The following PCDH15 variants were observed in gnomAD, a reference collection of about 807,000 sequenced individuals.
PCDH15 encodes the protein protocadherin-15.
In PCDH15, 129 loss-of-function variants were observed where a neutral mutation model predicts 178.5. The observed-to-expected ratio is 0.72, with a 90% CI of 0.63 to 0.84. The LOEUF (loss-of-function observed/expected upper bound fraction) is 0.84. PCDH15 is among the 40% of genes least tolerant of loss of function. PCDH15 has a pLI of 0.00. For missense variants in PCDH15, 2,230 were observed against 2,099.9 expected, an observed-to-expected ratio of 1.06 and a Z score of -1.21; for synonymous variants, 800 against 732.0, an observed-to-expected ratio of 1.09 and a Z score of -1.50.
chr10:55,613,580 A>G (rs954768593), intron 2 of PCDH15, among the ~76,000 whole-genome samples: 3 of 152,196 alleles, frequency 2.0e-5, no homozygotes, highest in African/African-American at 7.2e-5. Context: ...ACATAAGGAT[A>G]ATCATTTGTG....
chr10:54,104,288 TA>T (rs1299544426), intron 15 of PCDH15, among the ~76,000 whole-genome samples: 13 of 152,268 alleles, frequency 8.5e-5, no homozygotes, highest in South Asian at 4.1e-4. Flanking sequence ...TCCCCAGCCT[TA>T]TCAGGGTCCT....
At chr10:55,354,014 T>C (rs1047162023) in intron 2 of PCDH15, among the ~76,000 whole-genome samples, 27 of 152,178 alleles carry the variant, frequency 1.8e-4, no homozygotes, top group Middle Eastern at 3.4e-3. Flanking sequence ...CAACACCCCT[T>C]CACCCTCACT....
chr10:54,195,538 G>T, intron 11 of PCDH15, 145 bp downstream of exon 11: 1 of 672,646 alleles, frequency 1.5e-6, no homozygotes, highest in Non-Finnish European at 2.5e-6. Context: ...CCTTGTTTTG[G>T]AATTAAATTA....
At chr10:54,478,756 C>A (rs116414470) in intron 3 of PCDH15, among the ~76,000 whole-genome samples, 3,918 of 151,950 alleles carry the variant, frequency 0.026, 202 homozygotes, top group African/African-American at 0.09. Context: ...TTTCCTTTTT[C>A]GCGTATGTCT....
At chr10:54,189,919 A>T in intron 11 of PCDH15, among the ~76,000 whole-genome samples, 1 of 108,826 alleles carries the variant, frequency 9.2e-6, no homozygotes, top group African/African-American at 3.2e-5. Context: ...GTATACATGC[A>T]TGTGTATGTG....
intron 2 of PCDH15, among the ~76,000 whole-genome samples, chr10:54,899,001 TAG>T (rs1233368909): frequency 6.6e-6 from 1 of 152,130 alleles, no homozygotes; most frequent in Non-Finnish European, 1.5e-5. Context: ...TTCTGCAAGA[TAG>T]AGTCTTGCTT....
chr10:54,445,919 T>G (rs2076116259), intron 3 of PCDH15, among the ~76,000 whole-genome samples: 1 of 151,612 alleles, frequency 6.6e-6, no homozygotes, highest in Admixed American at 6.6e-5. Context: ...AGGTTGCATT[T>G]CAGTTTCTTC....
intron 1 of PCDH15, among the ~76,000 whole-genome samples, chr10:54,679,801 A>G (rs921688949): frequency 6.6e-6 from 1 of 152,210 alleles, no homozygotes; most frequent in African/African-American, 2.4e-5. Flanking sequence ...ATCCCTGGAT[A>G]TTCTTAAAAC....
chr10:53,946,330 C>T (rs920460023), intron 23 of PCDH15, among the ~76,000 whole-genome samples: 1 of 152,112 alleles, frequency 6.6e-6, no homozygotes, highest in Non-Finnish European at 1.5e-5. Flanking sequence ...CCCTTAGGAT[C>T]AGTTATTAGT....
At chr10:53,944,728 T>C (rs10740560) in intron 23 of PCDH15, among the ~76,000 whole-genome samples, 101,892 of 151,732 alleles carry the variant, frequency 0.67, 34,705 homozygotes, top group East Asian at 0.87. Context: ...TTGAGATAGA[T>C]ACCAACTAGA....
At chr10:55,614,013 C>T (rs958538544) in intron 2 of PCDH15, among the ~76,000 whole-genome samples, 1 of 151,658 alleles carries the variant, frequency 6.6e-6, no homozygotes, top group African/African-American at 2.4e-5. Context: ...ACTCGGGAGG[C>T]TGAGGTGGGA....
At chr10:53,910,592 A>G (rs925216909) in intron 25 of PCDH15, among the ~76,000 whole-genome samples, 3 of 152,218 alleles carry the variant, frequency 2.0e-5, no homozygotes, top group African/African-American at 7.2e-5. Flanking sequence ...TCTAAAAACC[A>G]GAGCACCTCT....
chr10:53,906,696 C>A (rs1296527385), intron 25 of PCDH15, among the ~76,000 whole-genome samples: 2 of 152,008 alleles, frequency 1.3e-5, no homozygotes, highest in Non-Finnish European at 2.9e-5. Context: ...ACAAAATAAT[C>A]AGGAAGTTGT....
intron 8 of PCDH15, among the ~76,000 whole-genome samples, chr10:54,266,222 A>C (rs1446175582): frequency 2.6e-5 from 4 of 151,814 alleles, no homozygotes; most frequent in Admixed American, 2.6e-4. Context: ...TTGGGTAAAC[A>C]AGAAAATTAA....
intron 2 of PCDH15, among the ~76,000 whole-genome samples, chr10:55,565,144 G>C (rs1355043855): frequency 6.6e-6 from 1 of 151,562 alleles, no homozygotes; most frequent in East Asian, 1.9e-4. Context: ...ATCATACAAA[G>C]TATCTTTGCC....
At chr10:54,133,890 T>C (rs2042662751) in intron 14 of PCDH15, among the ~76,000 whole-genome samples, 1 of 140,598 alleles carries the variant, frequency 7.1e-6, no homozygotes, top group African/African-American at 2.5e-5. Context: ...TATACACATA[T>C]ATACACACAC....
At chr10:53,828,520 T>C (rs1297804337) in intron 31 of PCDH15, 45 bp downstream of exon 31, 2 of 1,484,746 alleles carry the variant, frequency 1.3e-6, no homozygotes, top group Non-Finnish European at 1.9e-6. Flanking sequence ...GGTTTCTCTT[T>C]TCCTATTACA....
chr10:55,266,426 G>A (rs1020622810), intron 1 of PCDH15, among the ~76,000 whole-genome samples: 2 of 152,186 alleles, frequency 1.3e-5, no homozygotes, highest in African/African-American at 4.8e-5. Flanking sequence ...AGAGGGGGGA[G>A]ATGACACAGG....
intron 2 of PCDH15, among the ~76,000 whole-genome samples, chr10:55,439,168 A>AT (rs1214168204): frequency 2.0e-5 from 3 of 151,848 alleles, no homozygotes; most frequent in African/African-American, 4.8e-5. Context: ...CTCTCAAATT[A>AT]TTTTTTCCAG....
Sources: allele counts gnomAD v4.1 joint callset (sites outside exome capture counted in the v4.1 genomes callset), GRCh38; gene constraint gnomAD v4.1.1; transcripts MANE v1.5; gene names NCBI Gene and HGNC (gene_info 2026-07-23, HGNC 2026-07-21).